CPE: variants seen among roughly 807,000 people sequenced by gnomAD.
CPE encodes the protein carboxypeptidase E.
In CPE, 17 loss-of-function variants were observed where a neutral mutation model predicts 53.5. The ratio of observed to expected loss-of-function variants is 0.32; its 90% CI spans 0.22 to 0.48. CPE has a LOEUF of 0.48. Among genes scored for constraint, CPE ranks in the 20% least tolerant of loss-of-function variants. The pLI is 0.99. For missense variants in CPE, 524 were observed against 614.7 expected (o/e 0.85, Z 1.56); for synonymous variants, 226 against 228.8 (o/e 0.99, Z 0.11).
intron 1 of CPE, chr4:165,386,277 C>G (rs369159029): frequency 6.0e-5 from 31 of 515,618 alleles, no homozygotes; most frequent in Non-Finnish European, 9.4e-5. Context: ...TCCCGGACAA[C>G]AAGAAGCTCC....
intron 3 of CPE, among the ~76,000 whole-genome samples, chr4:165,481,543 G>C (rs549300669): frequency 6.6e-6 from 1 of 152,222 alleles, no homozygotes; most frequent in East Asian, 1.9e-4. Context: ...CAAGCTTTTG[G>C]CTCCACATTA....
chr4:165,432,555 C>A (rs1021529869), intron 1 of CPE, among the ~76,000 whole-genome samples: 1 of 152,152 alleles, frequency 6.6e-6, no homozygotes, highest in Non-Finnish European at 1.5e-5. Flanking sequence ...CTTGGCCTCC[C>A]AAAGTGCTGG....
chr4:165,426,669 G>GATTT (rs70955619), intron 1 of CPE, among the ~76,000 whole-genome samples: 44,905 of 152,002 alleles, frequency 0.3, 6,712 homozygotes, highest in Middle Eastern at 0.39. Context: ...GCTATTTCTG[G>GATTT]ATTAAAGAAA....
intron 5 of CPE, 39 bp from the exon 6 acceptor site, chr4:165,487,399 C>A (rs746262408): frequency 6.2e-7 from 1 of 1,611,294 alleles, no homozygotes; most frequent in Admixed American, 1.7e-5. Context: ...TTTTAGGCTC[C>A]TTGTGCATAT....
At chr4:165,411,990 T>A (rs1366303396) in intron 1 of CPE, among the ~76,000 whole-genome samples, 1 of 152,200 alleles carries the variant, frequency 6.6e-6, no homozygotes, top group South Asian at 2.1e-4. Context: ...ATAATTTTTC[T>A]AATCATTGGT....
chr4:165,451,931 G>GTT (rs796524665), intron 1 of CPE, among the ~76,000 whole-genome samples: 1 of 143,084 alleles, frequency 7.0e-6, no homozygotes, highest in South Asian at 2.3e-4. Context: ...CCCAACCCCC[G>GTT]TTTTTTTTTT....
At chr4:165,455,201 A>G (rs939715423) in intron 1 of CPE, among the ~76,000 whole-genome samples, 9 of 152,242 alleles carry the variant, frequency 5.9e-5, no homozygotes, top group African/African-American at 2.2e-4. Flanking sequence ...AAATTGATTC[A>G]CTCGAATCAT....
chr4:165,389,438 T>C (rs1467285449), intron 1 of CPE, among the ~76,000 whole-genome samples: 1 of 152,346 alleles, frequency 6.6e-6, no homozygotes, highest in East Asian at 1.9e-4. Flanking sequence ...TTCTCAAGAA[T>C]GTTTTTTTCA....
At chr4:165,434,285 G>A (rs954789116) in intron 1 of CPE, among the ~76,000 whole-genome samples, 16 of 152,004 alleles carry the variant, frequency 1.1e-4, no homozygotes, top group African/African-American at 3.6e-4. Context: ...TGGGCACTTA[G>A]CAAATATTTG....
chr4:165,418,611 A>G (rs1176207028), intron 1 of CPE, among the ~76,000 whole-genome samples: 1 of 152,214 alleles, frequency 6.6e-6, no homozygotes, highest in East Asian at 1.9e-4. Context: ...GATTGTGACC[A>G]AAATTATAAA....
chr4:165,387,596 G>C (rs936335893), intron 1 of CPE, among the ~76,000 whole-genome samples: 2 of 152,092 alleles, frequency 1.3e-5, no homozygotes, highest in African/African-American at 4.8e-5. Flanking sequence ...GGATCACGAG[G>C]TCGGGAGTTC....
chr4:165,494,391 G>A (rs1253700538), intron 7 of CPE, among the ~76,000 whole-genome samples: 6 of 152,200 alleles, frequency 3.9e-5, no homozygotes, highest in African/African-American at 1.4e-4. Context: ...GAATACTCCA[G>A]CTTTTCAGGG....
chr4:165,497,247 A>G (rs928309016), intron 8 of CPE, among the ~76,000 whole-genome samples: 1 of 152,128 alleles, frequency 6.6e-6, no homozygotes, highest in South Asian at 2.1e-4. Context: ...AGGAGAAGAG[A>G]CTGGGGCAAG....
intron 1 of CPE, chr4:165,386,344 T>A (rs765327000): frequency 8.6e-6 from 4 of 463,358 alleles, no homozygotes; most frequent in South Asian, 6.6e-5. Context: ...ATATATTTTT[T>A]AATCCTGAAT....
rs1288619265 is a variant in CPE at position 165,402,450 on chromosome 4, G to A, written c.307+22922G>A. 1.3e-5 allele frequency among the ~76,000 whole-genome samples: 2 copies of A among 152,218 alleles called. 1 individual carries two copies. Reference sequence around the variant, plus strand: ...CCCTGACCAAATCTCATGCTGAAATGTAATGCCCAGTGTTGGAGACGGAGC... The same window carrying A: ...CCCTGACCAAATCTCATGCTGAAATATAATGCCCAGTGTTGGAGACGGAGC... On this transcript the variant is annotated intron_variant, in intron 1 of 8. Transcript: ENST00000402744.
chr4:165,442,918 C>T (rs1237572862), intron 1 of CPE, among the ~76,000 whole-genome samples: 1 of 152,148 alleles, frequency 6.6e-6, no homozygotes, highest in African/African-American at 2.4e-5. Context: ...GCAGCTGTCC[C>T]AGAATTCAGA....
rs759964265 is a variant in CPE at position 165,495,610 on chromosome 4, C to A, written c.1265C>A (p.Thr422Lys). Residue 422 changes from threonine (T) to lysine (K), a missense_variant, in exon 8 of 9, where the codon ACA becomes AAA. Physicochemically the swap from Thr to Lys is moderately conservative, Grantham distance 78 (BLOSUM62 -1). Transcript: ENST00000402744. The part of the protein sequence containing the change: ...RLLIPGNYKL[T>K]ASAPGYLAIT... The stretch of plus-strand genomic sequence containing the variant: ...CTTATACCTGGAAACTATAAACTTA[C>A]AGCCTCAGCTCCAGGCTATCTGGCA... 3 of 1,614,008 alleles carry A rather than the reference C, an allele frequency of 1.9e-6. No individual in the cohort carries two copies. Among genetic ancestry groups the A allele is most frequent in the Non-Finnish European group, 1.7e-6 (2 of 1,179,946 alleles).
At chr4:165,412,453 T>A (rs1303990673) in intron 1 of CPE, among the ~76,000 whole-genome samples, 2 of 152,214 alleles carry the variant, frequency 1.3e-5, no homozygotes, top group Non-Finnish European at 2.9e-5. Flanking sequence ...AAAACAGGGA[T>A]TATTTTATTA....
rs924757897 is a variant in CPE, at chr4:165,436,191, T to C, written c.308-28199T>C. Among the ~76,000 whole-genome samples the C allele has an allele frequency of 1.2e-3, 186 of 149,420 alleles. 2 individuals are homozygous for C. Among genetic ancestry groups the C allele is most frequent in the African/African-American group, 3.9e-3 (159 of 40,684 alleles). ...ATTTTGCAGCATTTCCCAGCACACATACACACACACACACACACACACACG... is the reference window on the plus strand; with the variant it reads ...ATTTTGCAGCATTTCCCAGCACACACACACACACACACACACACACACACG... On this transcript the variant is annotated intron_variant, in intron 1 of 8. Coordinates refer to ENST00000402744, the MANE Select transcript of CPE (RefSeq NM_001873.4).
Sources: gnomAD v4.1 joint callset for allele counts (sites outside exome capture counted in the v4.1 genomes callset) on GRCh38, gnomAD v4.1.1 for gene constraint, MANE v1.5 for transcripts, NCBI Gene and HGNC (gene_info 2026-07-23, HGNC 2026-07-21) for gene names.